Variants in GTPBP10 observed in about 807,000 individuals in gnomAD.
GTPBP10 encodes the protein GTP-binding protein 10.
GTPBP10 carries 38 observed loss-of-function variants against 44.8 expected under a neutral mutation model. The ratio of observed to expected loss-of-function variants is 0.85; its 90% confidence interval spans 0.65 to 1.11. GTPBP10 has a LOEUF of 1.11. Ranked by LOEUF, GTPBP10 falls within the 50% of genes most tolerant of loss-of-function variation. The probability of loss-of-function intolerance (pLI) is 0.00; values close to 1 mark genes in which losing one functional copy is unlikely to be tolerated. For missense variants in GTPBP10, 462 were observed against 453.7 expected (o/e 1.02, Z -0.17); for synonymous variants, 152 against 150.6 (o/e 1.01, Z -0.07).
At chr7:90,369,311 G>T (rs1796204551) in intron 4 of GTPBP10, among the ~76,000 whole-genome samples, 1 of 152,198 alleles carries the variant, frequency 6.6e-6, no homozygotes, top group Non-Finnish European at 1.5e-5. Flanking sequence ...CATGCTGGGA[G>T]AACGACTCTC....
intron 1 of GTPBP10, among the ~76,000 whole-genome samples, chr7:90,352,070 A>G (rs1287069349): frequency 6.6e-6 from 1 of 152,190 alleles, no homozygotes; most frequent in Non-Finnish European, 1.5e-5. Context: ...TTTCAGAAAA[A>G]TAGTTCAGGC....
chr7:90,361,358 G>A (rs919624093), intron 4 of GTPBP10, among the ~76,000 whole-genome samples: 5 of 152,114 alleles, frequency 3.3e-5, no homozygotes, highest in Non-Finnish European at 7.4e-5. Context: ...GTTGAATTTT[G>A]TCAAAGGCCT....
intron 5 of GTPBP10, among the ~76,000 whole-genome samples, chr7:90,372,482 C>CTTTTTGTTTTTTTTTTT (rs1796276892): frequency 8.9e-6 from 1 of 112,236 alleles, no homozygotes; most frequent in African/African-American, 4.0e-5. Context: ...GCTTGGCTAA[C>CTTTTTGTTTTTTTTTTT]TTTTTTTTTT....
intron 1 of GTPBP10, among the ~76,000 whole-genome samples, chr7:90,347,062 C>G (rs1795691035): frequency 6.6e-6 from 1 of 152,020 alleles, no homozygotes; most frequent in Admixed American, 6.6e-5. Context: ...TGCTGTGGCC[C>G]AAATGTTGTG....
chr7:90,358,484 T>G (rs1243449267), intron 4 of GTPBP10, among the ~76,000 whole-genome samples: 2 of 152,042 alleles, frequency 1.3e-5, no homozygotes, highest in Non-Finnish European at 2.9e-5. Flanking sequence ...GACCAACTGA[T>G]CGTCAACAAA....
chr7:90,348,741 CA>C lies in GTPBP10; in HGVS notation c.33+1974del, dbSNP rs988404728. ...CATGCTTTTGCTTTTCTCTTTCCCC[CA>C]AAAAAATGTTTCTATAGGGTACCAA... On this transcript the variant is annotated intron_variant, in intron 1 of 9. Transcript: ENST00000222511. Among the ~76,000 whole-genome samples the C allele has an allele frequency of 1.3e-4, 19 of 144,654 alleles. 1 individual carries two copies. In the South Asian group the frequency reaches 3.6e-3, roughly 27 times the overall value. The allele number at this position is 144,654 out of a possible 152,430, so 94.9% of individuals were successfully genotyped here. A position where few individuals can be genotyped will look rare whatever the true frequency, so the allele number is the denominator to read the frequency against.
chr7:90,384,935 T>C lies in GTPBP10; in HGVS notation c.945T>C (p.Thr315=), dbSNP rs377658515. The part of the protein sequence containing the change: ...LFEKNMIPER[T]VEFQHIIPIS... ...AAAAAAACATGATTCCAGAGAGGAC[T>C]GTAGAGTTCCAACATATCATCCCCA... Residue 315 remains threonine, a synonymous_variant, in exon 10 of 10, where the codon ACT becomes ACC. Transcript: ENST00000222511. 1 of 1,612,280 alleles carries C rather than the reference T, an allele frequency of 6.2e-7. No individual in the cohort carries two copies. The highest frequency in any genetic ancestry group is 8.5e-7 in the Non-Finnish European group (1 of 1,178,740).
chr7:90,365,426 A>AGT (rs1006951263), intron 4 of GTPBP10, among the ~76,000 whole-genome samples: 1 of 120,662 alleles, frequency 8.3e-6, no homozygotes, highest in Non-Finnish European at 1.6e-5. Context: ...CCCAGGCTGG[A>AGT]GTGCAGTGGC....
intron 4 of GTPBP10, among the ~76,000 whole-genome samples, chr7:90,358,865 A>G (rs1291173752): frequency 1.3e-5 from 2 of 152,236 alleles, no homozygotes; most frequent in Non-Finnish European, 2.9e-5. Context: ...ACAGAGGACT[A>G]ATATACTGAG....
At chr7:90,372,385 A>G (rs996635545) in intron 5 of GTPBP10, among the ~76,000 whole-genome samples, 157 bp downstream of exon 5, 1 of 151,216 alleles carries the variant, frequency 6.6e-6, no homozygotes, top group African/African-American at 2.5e-5. Context: ...GTGCAGTTGC[A>G]TGATCATGGC....
chr7:90,380,240 A>G (rs949698768), intron 8 of GTPBP10, among the ~76,000 whole-genome samples: 1 of 151,852 alleles, frequency 6.6e-6, no homozygotes, highest in African/African-American at 2.4e-5. Context: ...CACCACGCCC[A>G]TCTAATTTTT....
rs970621165 is a variant in GTPBP10, at chr7:90,389,023, G to C, written c.*3869G>C. ...ATAACTTGTGTAAACCTACACAAAA[G>C]ATAAAAGATATCTTATTGCAAAAAT... On this transcript the variant is annotated 3_prime_UTR_variant, in exon 10 of 10. Coordinates refer to ENST00000222511, the MANE Select transcript of GTPBP10 (RefSeq NM_033107.4). The C allele has an allele frequency of 1.3e-5, 2 of 152,152 alleles. No homozygotes were observed. Among genetic ancestry groups the C allele is most frequent in the African/African-American group, 4.8e-5 (2 of 41,446 alleles). The allele number at this position is 152,152 out of a possible 1,614,324, so 9.4% of individuals were successfully genotyped here.
In GTPBP10 at chr7:90,385,228, C is replaced by G. The variant is rs1028471710; in HGVS notation, c.*74C>G. 2.2e-5 allele frequency: 23 copies of G among 1,062,358 alleles called. No homozygotes were observed. The highest frequency in any genetic ancestry group is 2.9e-5 in the Non-Finnish European group (22 of 749,358). 65.8% of individuals were successfully genotyped at this position (1,062,358 alleles called of 1,614,324 possible). ...AGGAAATCCTTTCATCTGTGACAAC[C>G]TGGAGGACATGTTAAGTAAAATAAG... On this transcript the variant is annotated 3_prime_UTR_variant, in exon 10 of 10. Coordinates refer to ENST00000222511, the MANE Select transcript of GTPBP10 (RefSeq NM_033107.4).
intron 2 of GTPBP10, 50 bp from the exon 3 acceptor site, chr7:90,354,408 G>A (rs756942011): frequency 8.4e-5 from 68 of 813,744 alleles, no homozygotes; most frequent in South Asian, 4.1e-4. Flanking sequence ...GTGTGTGTGT[G>A]TATATATACA....
At chr7:90,351,023 A>C (rs1322910948) in intron 1 of GTPBP10, among the ~76,000 whole-genome samples, 1 of 152,234 alleles carries the variant, frequency 6.6e-6, no homozygotes, top group East Asian at 1.9e-4. Flanking sequence ...TATAAAATGT[A>C]CTGGCAAGAT....
rs1023774242 is a variant in GTPBP10 at position 90,391,385 on chromosome 7, C to G, written c.*6231C>G. ...GCTATGATAAAGTTCATAAATTAGG[C>G]ACAGTAAGAGATTAAAAATATTAAA... is the stretch of plus-strand genomic sequence containing the variant. On this transcript the variant is annotated 3_prime_UTR_variant, in exon 10 of 10. Transcript: ENST00000222511. 2 of 152,002 alleles carry G rather than the reference C, an allele frequency of 1.3e-5. No individual in the cohort carries two copies. The highest frequency in any genetic ancestry group is 4.8e-5 in the African/African-American group (2 of 41,356). The allele number at this position is 152,002 out of a possible 1,614,324, so 9.4% of individuals were successfully genotyped here. A position where few individuals can be genotyped will look rare whatever the true frequency, so the allele number is the denominator to read the frequency against.
intron 4 of GTPBP10, among the ~76,000 whole-genome samples, chr7:90,357,292 A>T (rs906463648): frequency 2.6e-5 from 4 of 152,182 alleles, no homozygotes; most frequent in Non-Finnish European, 5.9e-5. Context: ...TTATGTGCTC[A>T]ATCATTATGA....
intron 8 of GTPBP10, among the ~76,000 whole-genome samples, chr7:90,380,090 T>C (rs1461560967): frequency 6.8e-6 from 1 of 146,844 alleles, no homozygotes; most frequent in Non-Finnish European, 1.5e-5. Context: ...TTTTTTTTTT[T>C]TTTTTTGAGA....
intron 4 of GTPBP10, among the ~76,000 whole-genome samples, chr7:90,366,286 C>A (rs545251322): frequency 6.6e-6 from 1 of 152,244 alleles, no homozygotes; most frequent in South Asian, 2.1e-4. Context: ...ATGATGCTAG[C>A]ATCATGGAAT....
Sources: gnomAD v4.1 joint callset for allele counts (sites outside exome capture counted in the v4.1 genomes callset) on GRCh38, gnomAD v4.1.1 for gene constraint, MANE v1.5 for transcripts, NCBI Gene and HGNC (gene_info 2026-07-23, HGNC 2026-07-21) for gene names.